The following CERK variants were observed in gnomAD, a reference collection of about 807,000 sequenced individuals.
The protein encoded by CERK is acylsphingosine kinase.
In CERK, 39 loss-of-function variants were observed where a neutral mutation model predicts 63.4. The ratio of observed to expected loss-of-function variants is 0.61; its 90% CI spans 0.48 to 0.80. CERK has a LOEUF of 0.80. Among genes scored for constraint, CERK ranks in the 30% least tolerant of loss-of-function variants. CERK has a pLI of 0.00. For synonymous variants in CERK, 302 were observed against 280.0 expected, an observed-to-expected ratio of 1.08 and a Z score of -0.78; for missense variants, 670 against 714.1, an observed-to-expected ratio of 0.94 and a Z score of 0.70.
At chr22:46,703,138 T>A (rs1421916120) in intron 6 of CERK, among the ~76,000 whole-genome samples, 3 of 152,154 alleles carry the variant, frequency 2.0e-5, no homozygotes, top group Non-Finnish European at 4.4e-5. Context: ...ACCGAATGAA[T>A]GACGATCTCT....
In CERK at chr22:46,684,414, C is replaced by T. The variant is rs1458197133; in HGVS notation, c.*2720G>A. 1 of 152,184 alleles carries T rather than the reference C, an allele frequency of 6.6e-6. No homozygotes were observed. Among genetic ancestry groups the T allele is most frequent in the African/African-American group, 2.4e-5 (1 of 41,438 alleles). The allele number at this position is 152,184 out of a possible 1,614,324, so 9.4% of individuals were successfully genotyped here. On this transcript the variant is annotated 3_prime_UTR_variant, in exon 13 of 13. Coordinates refer to ENST00000216264, the MANE Select transcript of CERK (RefSeq NM_022766.6). ...AAGGAAAGAAAGCAAGCCAAGTCTG[C>T]CCAAGTAACTTTATTCGTGTCTTCT...
intron 12 of CERK, among the ~76,000 whole-genome samples, chr22:46,688,967 A>G (rs1569317417): frequency 6.6e-6 from 1 of 152,240 alleles, no homozygotes; most frequent in Non-Finnish European, 1.5e-5. Context: ...CTTTCCATGG[A>G]GAAACAATTT....
rs2082706289 is a variant in CERK at position 46,687,170 on chromosome 22, T to G, written c.1578A>C (p.Gly526=). 1.9e-6 allele frequency: 3 copies of G among 1,614,054 alleles called. No individual in the cohort carries two copies. The highest frequency in any genetic ancestry group is 1.3e-5 in the African/African-American group (1 of 74,932). The change falls in exon 13 of 13, where the codon GGA becomes GGC. Residue 526 remains glycine (G), a synonymous_variant. Transcript: ENST00000216264. ...HCQLVRLFAR[G]IEENPKPDSH... is the part of the protein sequence containing the mutation. ...AGTCTGGCTTCGGATTCTCTTCAAT[T>G]CCTCGTGCAAAGAGTCGAACCAGCT...
chr22:46,706,515 C>A (rs1465980002), intron 6 of CERK, among the ~76,000 whole-genome samples: 1 of 152,096 alleles, frequency 6.6e-6, no homozygotes, highest in African/African-American at 2.4e-5. Flanking sequence ...CCATTTCTCC[C>A]CTTAGTGTCT....
intron 12 of CERK, among the ~76,000 whole-genome samples, chr22:46,689,495 G>T (rs964653554): frequency 6.6e-6 from 1 of 152,070 alleles, no homozygotes; most frequent in African/African-American, 2.4e-5. Flanking sequence ...CTCAGCCTCC[G>T]GGGTAGCTGG....
chr22:46,729,058 C>T (rs1051369003), intron 1 of CERK, among the ~76,000 whole-genome samples: 1 of 152,210 alleles, frequency 6.6e-6, no homozygotes, highest in African/African-American at 2.4e-5. Context: ...AGGCTGAGCA[C>T]CTGCTTTTGA....
At chr22:46,725,775 C>T (rs575556528) in intron 1 of CERK, among the ~76,000 whole-genome samples, 6 of 152,344 alleles carry the variant, frequency 3.9e-5, no homozygotes, top group East Asian at 1.9e-4. Flanking sequence ...TCCTGGTTCT[C>T]GTGCGGCTCA....
chr22:46,695,233 C>G lies in CERK; in HGVS notation c.1026G>C (p.Arg342Ser). The G allele has an allele frequency of 6.2e-7, 1 of 1,602,266 alleles. No individual in the cohort carries two copies. The highest frequency in any genetic ancestry group is 8.5e-7 in the Non-Finnish European group (1 of 1,170,012). The change falls in exon 9 of 13, where the codon AGG becomes AGC. Residue 342 changes from arginine (R) to serine (S), a missense_variant. Physicochemically the swap from Arg to Ser is moderately radical, Grantham distance 110. Transcript: ENST00000216264. ...LPAQHTVGSP[R>S]DRKPCRAGCF... ...ACCCTGCCCGGCAGGGCTTCCTATCCCTTGGAGATCCCACCGTGTGTTGTG... is the reference window on the plus strand; with the variant it reads ...ACCCTGCCCGGCAGGGCTTCCTATCGCTTGGAGATCCCACCGTGTGTTGTG...
At chr22:46,698,529 A>C (rs1401821625) in intron 8 of CERK, among the ~76,000 whole-genome samples, 1 of 152,262 alleles carries the variant, frequency 6.6e-6, no homozygotes, top group African/African-American at 2.4e-5. Flanking sequence ...CCACACAGAT[A>C]TCCCAGGCTG....
At position 46,701,629 on chromosome 22, in the gene CERK, G is replaced by C. The variant is rs1397827387; in HGVS notation, c.790+7C>G. On this transcript the variant is annotated splice_region_variant and intron_variant, in intron 7 of 12. Coordinates refer to ENST00000216264, the MANE Select transcript of CERK (RefSeq NM_022766.6). Reference sequence around the variant, plus strand: ...CCACCGTGCGCATGCGCAGAGGAGGGGCTCACCAACAACGATATGCAGCGC... The same window carrying C: ...CCACCGTGCGCATGCGCAGAGGAGGCGCTCACCAACAACGATATGCAGCGC... The C allele has an allele frequency of 6.4e-7, 1 of 1,554,326 alleles. No individual in the cohort carries two copies. Among genetic ancestry groups the C allele is most frequent in the Admixed American group, 1.9e-5 (1 of 51,550 alleles).
Position 46,708,885 on chromosome 22 carries a change from T to C in CERK, c.570-897A>G, listed in dbSNP as rs191732452. Among the ~76,000 whole-genome samples, 18 of 152,168 alleles carry C rather than the reference T, an allele frequency of 1.2e-4. No homozygotes were observed. The East Asian group carries it at 3.1e-3, about 26-fold the overall frequency. Reference sequence around the variant, plus strand: ...CGGTAGAGGAGCGGTGTGAGTCGACTAGGGGGTGCAGCCTGAGGGGCCTCC... The same window carrying C: ...CGGTAGAGGAGCGGTGTGAGTCGACCAGGGGGTGCAGCCTGAGGGGCCTCC... On this transcript the variant is annotated intron_variant, in intron 5 of 12. Coordinates refer to ENST00000216264, the MANE Select transcript of CERK (RefSeq NM_022766.6).
In CERK at chr22:46,690,097, C is replaced by T. The variant is rs149587293; in HGVS notation, c.1436G>A (p.Arg479His). Residue 479 changes from arginine to histidine, a missense_variant, in exon 12 of 13, where the codon CGC (arginine) becomes CAC (histidine). Coordinates refer to ENST00000216264, the MANE Select transcript of CERK (RefSeq NM_022766.6). Reference sequence around the variant, plus strand: ...GTGGCTGCTGCAAATGTGCCCAAAGCGCTTCTTCCCCCCCTCCTTGAGGTC... The same window carrying T: ...GTGGCTGCTGCAAATGTGCCCAAAGTGCTTCTTCCCCCCCTCCTTGAGGTC... ...DSDLKEGGKKRFGHICSSHPS... is the reference protein window; with the variant it reads ...DSDLKEGGKKHFGHICSSHPS... 2.4e-5 allele frequency: 39 copies of T among 1,614,048 alleles called. No individual in the cohort carries two copies. Among genetic ancestry groups the T allele is most frequent in the Admixed American group, 1.7e-4 (10 of 60,004 alleles).
At chr22:46,718,879 GC>G (rs2082878514) in intron 3 of CERK, among the ~76,000 whole-genome samples, 2 of 152,034 alleles carry the variant, frequency 1.3e-5, no homozygotes, top group African/African-American at 4.8e-5. Flanking sequence ...TTTGAGATCA[GC>G]CTGGGCAATA....
intron 1 of CERK, among the ~76,000 whole-genome samples, chr22:46,737,456 G>A (rs1464853592): frequency 6.6e-6 from 1 of 152,194 alleles, no homozygotes; most frequent in African/African-American, 2.4e-5. Context: ...TAGCCAACCC[G>A]TGGCACGGAA....
chr22:46,703,439 A>G (rs774459966), intron 6 of CERK, among the ~76,000 whole-genome samples: 6 of 152,080 alleles, frequency 3.9e-5, no homozygotes, highest in Admixed American at 2.0e-4. Flanking sequence ...GAGTTCAGGT[A>G]CCTGCTGCCA....
At position 46,686,157 on chromosome 22, in the gene CERK, A is replaced by T. The variant is rs1485431144; in HGVS notation, c.*977T>A. ...GACAGACATCCGAGACGCAGTTTAC[A>T]CTACTCTGGCTTAAAAGGACAAGAT... On this transcript the variant is annotated 3_prime_UTR_variant, in exon 13 of 13. Transcript: ENST00000216264. 3 of 152,194 alleles carry T rather than the reference A, an allele frequency of 2.0e-5. No homozygotes were observed. The highest frequency in any genetic ancestry group is 4.4e-5 in the Non-Finnish European group (3 of 68,042). The allele number at this position is 152,194 out of a possible 1,614,324, so 9.4% of individuals were successfully genotyped here.
Position 46,693,430 on chromosome 22 carries a change from C to T in CERK, c.1123G>A (p.Ala375Thr). The T allele has an allele frequency of 6.2e-7, 1 of 1,614,024 alleles. No homozygotes were observed. Among genetic ancestry groups the T allele is most frequent in the Non-Finnish European group, 8.5e-7 (1 of 1,179,860 alleles). The stretch of plus-strand genomic sequence containing the variant: ...GAGCCTGTGTTTTAGGAATTACCCG[C>T]AGCTTCCAAACCATACAGTGCTTTC... ...QKKALYGLEAAEDVEEWQVVC... is the reference protein window; with the variant it reads ...QKKALYGLEATEDVEEWQVVC... Residue 375 changes from alanine to threonine, a missense_variant, in exon 10 of 13, where the codon GCG becomes ACG. Transcript: ENST00000216264.
At chr22:46,727,826 C>T (rs1331799924) in intron 1 of CERK, among the ~76,000 whole-genome samples, 1 of 83,382 alleles carries the variant, frequency 1.2e-5, no homozygotes, top group Non-Finnish European at 2.9e-5. Flanking sequence ...TCCCCTGGCC[C>T]AGCCACCCCC....
At chr22:46,703,983 C>T (rs561943047) in intron 6 of CERK, among the ~76,000 whole-genome samples, 1 of 152,334 alleles carries the variant, frequency 6.6e-6, no homozygotes, top group African/African-American at 2.4e-5. Context: ...AGAAAGGCCT[C>T]CTGGACACCC....
Sources: allele counts gnomAD v4.1 joint callset (sites outside exome capture counted in the v4.1 genomes callset), GRCh38; gene constraint gnomAD v4.1.1; transcripts MANE v1.5; gene names NCBI Gene and HGNC (gene_info 2026-07-23, HGNC 2026-07-21).